The following AGMO variants were observed in gnomAD, a reference collection of about 807,000 sequenced individuals.
The protein encoded by AGMO is glyceryl-ether monooxygenase.
In AGMO, 75 loss-of-function variants were observed where a neutral mutation model predicts 60.2. That is an observed-to-expected ratio of 1.25 (90% CI 1.03 to 1.51). The LOEUF is 1.51. Among genes scored for constraint, AGMO ranks in the 40% most tolerant of loss-of-function variants. The pLI, the probability that AGMO is intolerant of heterozygous loss-of-function variation, is 0.00. For missense variants in AGMO, 763 were observed against 525.5 expected (o/e 1.45, Z -4.42); for synonymous variants, 261 against 177.1 (o/e 1.47, Z -3.76).
chr7:15,229,653 T>G (rs1461867068), intron 12 of AGMO, among the ~76,000 whole-genome samples: 1 of 148,370 alleles, frequency 6.7e-6, no homozygotes, highest in Admixed American at 6.8e-5. Flanking sequence ...GATTCCTTTA[T>G]AAGAATTATG....
At chr7:15,407,021 A>G (rs191888039) in intron 5 of AGMO, among the ~76,000 whole-genome samples, 2,626 of 120,048 alleles carry the variant, frequency 0.022, 67 homozygotes, top group African/African-American at 0.069. Flanking sequence ...ATATATGTGT[A>G]TATATATGTA....
chr7:15,476,149 C>A (rs1048050366), intron 3 of AGMO, among the ~76,000 whole-genome samples: 17 of 152,072 alleles, frequency 1.1e-4, no homozygotes, highest in African/African-American at 3.9e-4. Context: ...AAGTAGAAAT[C>A]GAATTTCACT....
At chr7:15,326,246 T>C (rs1348867140) in intron 12 of AGMO, among the ~76,000 whole-genome samples, 1 of 152,188 alleles carries the variant, frequency 6.6e-6, no homozygotes, top group East Asian at 1.9e-4. Flanking sequence ...CAGGCATCTA[T>C]ATGGCAAAAC....
chr7:15,237,434 C>T (rs1487410185), intron 12 of AGMO, among the ~76,000 whole-genome samples: 2 of 151,868 alleles, frequency 1.3e-5, no homozygotes, highest in South Asian at 4.1e-4. Flanking sequence ...AGATTTTGCC[C>T]ACAGTTCTGT....
At position 15,447,718 on chromosome 7, in the gene AGMO, A is replaced by G. The variant is rs4132937; in HGVS notation, c.410-16610T>C. On this transcript the variant is annotated intron_variant, in intron 3 of 12. Transcript: ENST00000342526. ...GACACACGCCACCACACCTGGCTAA[A>G]TTTTTTTTTTTTTCAGTAGAGACAG... Among the ~76,000 whole-genome samples, 5 of 150,874 alleles carry G rather than the reference A, an allele frequency of 3.3e-5. No homozygotes were observed. The East Asian group carries it at 1.0e-3, about 30-fold the overall frequency.
At chr7:15,297,006 C>T (rs915358206) in intron 12 of AGMO, among the ~76,000 whole-genome samples, 8 of 152,124 alleles carry the variant, frequency 5.3e-5, no homozygotes, top group Middle Eastern at 3.4e-3. Context: ...TATAATATTA[C>T]GGCTATTCAT....
At chr7:15,239,106 C>G (rs929777718) in intron 12 of AGMO, among the ~76,000 whole-genome samples, 1 of 152,036 alleles carries the variant, frequency 6.6e-6, no homozygotes, top group East Asian at 1.9e-4. Context: ...TCTGTGCCCT[C>G]AATGTTATTG....
chr7:15,421,391 G>A (rs1309520144), intron 4 of AGMO, among the ~76,000 whole-genome samples: 1 of 152,130 alleles, frequency 6.6e-6, no homozygotes, highest in Admixed American at 6.6e-5. Context: ...ATTTCAAGAA[G>A]CTTGGGCATA....
intron 5 of AGMO, among the ~76,000 whole-genome samples, chr7:15,394,945 C>T (rs1243473540): frequency 6.6e-6 from 1 of 152,098 alleles, no homozygotes; most frequent in Admixed American, 6.5e-5. Context: ...CTTAGATTCC[C>T]CTAGTTCTGA....
intron 4 of AGMO, among the ~76,000 whole-genome samples, chr7:15,430,538 T>C (rs549406681): frequency 4.9e-4 from 74 of 151,576 alleles, no homozygotes; most frequent in Middle Eastern, 3.4e-3. Context: ...GATCATGATA[T>C]TGATCTATTA....
At chr7:15,557,560 C>G (rs554621730) in intron 2 of AGMO, among the ~76,000 whole-genome samples, 3 of 151,612 alleles carry the variant, frequency 2.0e-5, no homozygotes, top group African/African-American at 7.3e-5. Context: ...GATCCACAGG[C>G]TCGCTTTTCC....
chr7:15,544,022 A>G (rs778861075), intron 3 of AGMO, among the ~76,000 whole-genome samples: 7 of 152,066 alleles, frequency 4.6e-5, no homozygotes, highest in Non-Finnish European at 1.0e-4. Context: ...TATATTTAGC[A>G]TGGAATACTA....
chr7:15,287,564 A>G (rs970628936), intron 12 of AGMO, among the ~76,000 whole-genome samples: 10 of 152,200 alleles, frequency 6.6e-5, no homozygotes, highest in African/African-American at 2.4e-4. Flanking sequence ...ATTTCAGTCA[A>G]TTTATGAAAA....
chr7:15,327,951 T>G (rs1421669702), intron 12 of AGMO, among the ~76,000 whole-genome samples: 1 of 151,402 alleles, frequency 6.6e-6, no homozygotes, highest in African/African-American at 2.4e-5. Flanking sequence ...AAAAAATTTT[T>G]TTTTGGTTGA....
rs774371546 is a variant in AGMO at position 15,201,297 on chromosome 7, G to A, written c.1326C>T (p.His442=). 4 of 1,611,656 alleles carry A rather than the reference G, an allele frequency of 2.5e-6. No homozygotes were observed. Among genetic ancestry groups the A allele is most frequent in the Non-Finnish European group, 3.4e-6 (4 of 1,178,582 alleles). ...GVRSMKQLTS[H]PWK ...GTACAAATTCAGGTTATTTCCAAGG[G>A]TGAGAGGTGAGTTGTTTCATGCTTC... Residue 442 remains histidine, a synonymous_variant, in exon 13 of 13, where the codon CAC becomes CAT. Coordinates refer to ENST00000342526, the MANE Select transcript of AGMO (RefSeq NM_001004320.2).
At chr7:15,393,233 A>G (rs1294443737) in intron 6 of AGMO, among the ~76,000 whole-genome samples, 9 of 152,150 alleles carry the variant, frequency 5.9e-5, no homozygotes, top group Admixed American at 5.2e-4. Context: ...TCCCTGCCAT[A>G]AAGATAGGGA....
Position 15,201,120 on chromosome 7 carries a change from GAA to G in AGMO, c.*163_*164del. The G allele has an allele frequency of 2.2e-6, 1 of 458,242 alleles. No individual in the cohort carries two copies. Among genetic ancestry groups the G allele is most frequent in the Non-Finnish European group, 3.7e-6 (1 of 270,746 alleles). The allele number at this position is 458,242 out of a possible 1,614,324, so 28.4% of individuals were successfully genotyped here. On this transcript the variant is annotated 3_prime_UTR_variant, in exon 13 of 13. Transcript: ENST00000342526. ...CCAAAACTGACTTTAATTTTTAATA[GAA>G]AATAACAAATGTGAAAGGCAAACAA...
At chr7:15,389,100 G>C (rs955687690) in intron 8 of AGMO, among the ~76,000 whole-genome samples, 3 of 152,140 alleles carry the variant, frequency 2.0e-5, no homozygotes, top group African/African-American at 7.2e-5. Context: ...TCCTCAGCAA[G>C]ACTGTACACT....
At chr7:15,363,798 C>T (rs1223864081) in intron 12 of AGMO, among the ~76,000 whole-genome samples, 2 of 152,090 alleles carry the variant, frequency 1.3e-5, no homozygotes, top group African/African-American at 4.8e-5. Context: ...CTATTTCCTT[C>T]TGGTGTGTGT....
Sources: gnomAD v4.1 joint callset for allele counts (sites outside exome capture counted in the v4.1 genomes callset) on GRCh38, gnomAD v4.1.1 for gene constraint, MANE v1.5 for transcripts, NCBI Gene and HGNC (gene_info 2026-07-23, HGNC 2026-07-21) for gene names.